Variants in WASHC5 observed in about 807,000 individuals in gnomAD.
WASHC5 encodes WASH complex subunit 5.
In WASHC5, 101 loss-of-function variants were observed where a neutral mutation model predicts 150.4. The ratio of observed to expected loss-of-function variants is 0.67; its 90% CI spans 0.57 to 0.79. WASHC5 has a LOEUF of 0.79. WASHC5 is among the 30% of genes least tolerant of loss of function. WASHC5 has a pLI of 0.00. For synonymous variants in WASHC5, 467 were observed against 491.2 expected, an observed-to-expected ratio of 0.95 and a Z score of 0.65; for missense variants, 1,195 against 1,396.3, an observed-to-expected ratio of 0.86 and a Z score of 2.30.
At position 125,083,263 on chromosome 8, in the gene WASHC5, G is replaced by GAA; in HGVS notation, c.187-7_187-6dup. ...GCTTTCCCATAATTCTGGACCCTGA[G>GAA]AAAAAAAAACACATGTGAAATGTCA... On this transcript the variant is annotated splice_polypyrimidine_tract_variant and splice_region_variant and intron_variant, in intron 2 of 28. Coordinates refer to ENST00000318410, the MANE Select transcript of WASHC5 (RefSeq NM_014846.4). 1 of 1,573,890 alleles carries GAA rather than the reference G, an allele frequency of 6.4e-7. No individual in the cohort carries two copies. The highest frequency in any genetic ancestry group is 8.7e-7 in the Non-Finnish European group (1 of 1,155,494).
rs749572396 is a variant in WASHC5, at chr8:125,038,797, C to T, written c.3084+33G>A. 1.9e-6 allele frequency: 3 copies of T among 1,612,206 alleles called. No individual in the cohort carries two copies. In the South Asian group the frequency reaches 3.3e-5, roughly 18 times the overall value. ...CTGGGCCAAATACCATTCTGTACCC[C>T]CATCCCCGCCATTATATATTTTAAT... On this transcript the variant is annotated intron_variant, in intron 25 of 28. Coordinates refer to ENST00000318410, the MANE Select transcript of WASHC5 (RefSeq NM_014846.4).
Position 125,078,778 on chromosome 8 carries a change from A to G in WASHC5, c.671T>C (p.Met224Thr), listed in dbSNP as rs1208195223. Residue 224 changes from methionine (M) to threonine (T), a missense_variant, in exon 6 of 29, where the codon ATG becomes ACG. By Grantham distance (81) the Met-to-Thr change is moderately conservative. Coordinates refer to ENST00000318410, the MANE Select transcript of WASHC5 (RefSeq NM_014846.4). Reference sequence around the variant, plus strand: ...ATCAGATCTCAGTCGACCAATGACCATACTGATGAAGGATTCGTTGATAGG... The same window carrying G: ...ATCAGATCTCAGTCGACCAATGACCGTACTGATGAAGGATTCGTTGATAGG... Reference protein sequence around the residue: ...RVPINESFISMVIGRLRSDDI... With the variant: ...RVPINESFISTVIGRLRSDDI... 3 of 1,613,914 alleles carry G rather than the reference A, an allele frequency of 1.9e-6. No individual in the cohort carries two copies. In the African/African-American group the frequency reaches 4.0e-5, roughly 22 times the overall value.
In WASHC5 at chr8:125,076,857, T is replaced by A. The variant is rs1817079587; in HGVS notation, c.712-357A>T. Among the ~76,000 whole-genome samples, 4 of 152,138 alleles carry A rather than the reference T, an allele frequency of 2.6e-5. No homozygotes were observed. In the East Asian group the frequency reaches 7.7e-4, roughly 29 times the overall value. On this transcript the variant is annotated intron_variant, in intron 6 of 28. Transcript: ENST00000318410. ...GACAGGCTCCACTCACTGTTGCTAT[T>A]TTCTCACTTTCTGTTTATTATTCAA...
intron 9 of WASHC5, among the ~76,000 whole-genome samples, chr8:125,070,039 C>G (rs1325429515): frequency 6.6e-6 from 1 of 152,206 alleles, no homozygotes; most frequent in Non-Finnish European, 1.5e-5. Context: ...CCATCTCTCT[C>G]AGATCTGACC....
chr8:125,026,226 T>C (rs1345813928), intron 28 of WASHC5, among the ~76,000 whole-genome samples: 1 of 152,236 alleles, frequency 6.6e-6, no homozygotes, highest in African/African-American at 2.4e-5. Flanking sequence ...TTGTCATTTC[T>C]ATTTTCTTGA....
At chr8:125,084,351 T>C (rs1817357350) in intron 1 of WASHC5, among the ~76,000 whole-genome samples, 1 of 152,220 alleles carries the variant, frequency 6.6e-6, no homozygotes, top group Non-Finnish European at 1.5e-5. Flanking sequence ...TCTCCTACTA[T>C]TTGATATATT....
At chr8:125,048,977 A>C (rs755368994) in intron 19 of WASHC5, 29 bp downstream of exon 19, 26 of 1,549,884 alleles carry the variant, frequency 1.7e-5, no homozygotes, top group Non-Finnish European at 2.3e-5. Context: ...TAACAAATAT[A>C]GTCAAGAATT....
rs192806615 is a variant in WASHC5 at position 125,076,507 on chromosome 8, T to C, written c.712-7A>G. 1.9e-5 allele frequency: 31 copies of C among 1,613,594 alleles called. No homozygotes were observed. In the Admixed American group the frequency reaches 3.0e-4, roughly 16 times the overall value. On this transcript the variant is annotated splice_region_variant and splice_polypyrimidine_tract_variant and intron_variant, in intron 6 of 28. Coordinates refer to ENST00000318410, the MANE Select transcript of WASHC5 (RefSeq NM_014846.4). ...GCAAAGGATACGCTGAGACCTGCAATGTCAAGACGACACCCCGAGAAAGCT... is the reference window on the plus strand; with the variant it reads ...GCAAAGGATACGCTGAGACCTGCAACGTCAAGACGACACCCCGAGAAAGCT...
intron 9 of WASHC5, among the ~76,000 whole-genome samples, chr8:125,068,943 T>G (rs1816826396): frequency 6.6e-6 from 1 of 152,272 alleles, no homozygotes; most frequent in Admixed American, 6.5e-5. Flanking sequence ...TAGATTGGTT[T>G]ATAAGGCCAA....
intron 17 of WASHC5, among the ~76,000 whole-genome samples, chr8:125,052,643 C>T (rs1194071130): frequency 1.3e-5 from 2 of 148,488 alleles, no homozygotes; most frequent in Non-Finnish European, 3.0e-5. Flanking sequence ...CACACACATA[C>T]ATACATGTTT....
In WASHC5 at chr8:125,043,840, G is replaced by A. The variant is rs769145000; in HGVS notation, c.2835C>T (p.Leu945=). The change falls in exon 23 of 29, where the codon CTC becomes CTT. Residue 945 remains leucine (L), a synonymous_variant. Transcript: ENST00000318410. ...TACAACATACCTTCATTATAGCCTCGAGATACGCAGTCCAAATCTTCTGTG... is the reference window on the plus strand; with the variant it reads ...TACAACATACCTTCATTATAGCCTCAAGATACGCAGTCCAAATCTTCTGTG... ...AKTQKIWTAY[L]EAIMKVGQMQ... 2.7e-5 allele frequency: 43 copies of A among 1,609,338 alleles called. No individual in the cohort carries two copies. The highest frequency in any genetic ancestry group is 1.6e-4 in the Middle Eastern group (1 of 6,072).
At chr8:125,044,919 A>G (rs1816016399) in intron 20 of WASHC5, 1 of 574,178 alleles carries the variant, frequency 1.7e-6, no homozygotes, top group Non-Finnish European at 3.1e-6. Context: ...GCCCTATGCC[A>G]TATCATTGGT....
intron 1 of WASHC5, among the ~76,000 whole-genome samples, chr8:125,090,053 T>C (rs1476271539): frequency 6.6e-6 from 1 of 152,242 alleles, no homozygotes; most frequent in East Asian, 1.9e-4. Context: ...TTTCTAATAA[T>C]GCAAGCATCT....
chr8:125,028,763 T>C, intron 27 of WASHC5, 56 bp from the exon 28 acceptor site: 1 of 1,230,834 alleles, frequency 8.1e-7, no homozygotes. Flanking sequence ...TAAGCCCTTT[T>C]GGTCAGAATC....
At position 125,075,014 on chromosome 8, in the gene WASHC5, G is replaced by C; in HGVS notation, c.962C>G (p.Ser321Ter). 1 of 1,608,002 alleles carries C rather than the reference G, an allele frequency of 6.2e-7. No homozygotes were observed. Among genetic ancestry groups the C allele is most frequent in the Non-Finnish European group, 8.5e-7 (1 of 1,174,580 alleles). ...KTALNNTLDL[S>*]NVREQASRYA... ...AGAACCTACCTGTTCTCTGACATTT[G>C]AAAGGTCCAGGGTATTATTTAAAGC... Residue 321 changes from serine (S) to a stop codon, truncating the protein, a stop_gained, in exon 8 of 29, where the codon TCA (serine) becomes TGA (stop). Transcript: ENST00000318410. LOFTEE classifies it high-confidence loss of function.
chr8:125,085,148 GA>G (rs898080945), intron 1 of WASHC5, among the ~76,000 whole-genome samples: 1 of 151,640 alleles, frequency 6.6e-6, no homozygotes, highest in Admixed American at 6.6e-5. Context: ...GAGCCCTGAA[GA>G]AAAAAAATCA....
chr8:125,046,274 C>T (rs993342840), intron 20 of WASHC5, among the ~76,000 whole-genome samples: 1 of 152,024 alleles, frequency 6.6e-6, no homozygotes, highest in African/African-American at 2.4e-5. Flanking sequence ...GTACCAACAG[C>T]TTCTCCTGAG....
chr8:125,044,346 A>G (rs1815991426), intron 21 of WASHC5, 190 bp downstream of exon 21: 1 of 701,424 alleles, frequency 1.4e-6, no homozygotes, highest in Non-Finnish European at 2.4e-6. Flanking sequence ...TCTAATCCTA[A>G]AAGTACTATG....
intron 10 of WASHC5, 92 bp downstream of exon 10, chr8:125,067,500 G>C: frequency 9.2e-7 from 1 of 1,085,696 alleles, no homozygotes; most frequent in Non-Finnish European, 1.4e-6. Context: ...TTGAATCAGA[G>C]ACAGAGCAAG....
Sources: gnomAD v4.1 joint callset for allele counts (sites outside exome capture counted in the v4.1 genomes callset) on GRCh38, gnomAD v4.1.1 for gene constraint, MANE v1.5 for transcripts, NCBI Gene and HGNC (gene_info 2026-07-23, HGNC 2026-07-21) for gene names.